Variants in PDXDC1 observed in about 807,000 individuals in gnomAD.
PDXDC1 encodes pyridoxal dependent decarboxylase domain containing 1.
PDXDC1 carries 42 observed loss-of-function variants against 100.1 expected under a neutral mutation model. That is an observed-to-expected ratio of 0.42 (90% CI 0.33 to 0.54). PDXDC1 has a LOEUF of 0.54. Among genes scored for constraint, PDXDC1 ranks in the 20% least tolerant of loss-of-function variants. The pLI is 0.10. For synonymous variants in PDXDC1, 260 were observed against 371.7 expected (o/e 0.70, Z 3.46); for missense variants, 636 against 979.2 (o/e 0.65, Z 4.68).
intron 16 of PDXDC1, among the ~76,000 whole-genome samples, chr16:15,083,353 G>A (rs1052111628): frequency 6.6e-6 from 1 of 151,998 alleles, no homozygotes; most frequent in African/African-American, 2.4e-5. Flanking sequence ...GAGCCAAGAT[G>A]ACGCCATTGC....
chr16:15,038,379 C>T (rs1294312013), downstream of PDXDC1: 18 of 619,054 alleles, frequency 2.9e-5, no homozygotes, highest in Non-Finnish European at 4.8e-5. Flanking sequence ...ACTGCTTTAC[C>T]CACACACATT....
In PDXDC1 at chr16:15,013,360, A is replaced by G. The variant is rs1284393164; in HGVS notation, c.728-2769A>G. Among the ~76,000 whole-genome samples the G allele has an allele frequency of 1.8e-3, 146 of 83,084 alleles. 1 individual carries two copies. Among genetic ancestry groups the G allele is most frequent in the Admixed American group, 6.0e-3 (34 of 5,622 alleles). The allele number at this position is 83,084 out of a possible 152,430, so 54.5% of individuals were successfully genotyped here. A position where few individuals can be genotyped will look rare whatever the true frequency, so the allele number is the denominator to read the frequency against. On this transcript the variant is annotated intron_variant, in intron 8 of 22. Coordinates refer to ENST00000396410, the MANE Select transcript of PDXDC1 (RefSeq NM_015027.4). ...TGAGACCCTATCTCAAAAAAAAAAG[A>G]AAAAAAAAAAAAAAGGCAAAAAACT...
chr16:15,141,080 T>TG (rs1694721152), downstream of PDXDC1, among the ~76,000 whole-genome samples: 1 of 138,018 alleles, frequency 7.2e-6, no homozygotes, highest in Non-Finnish European at 1.5e-5. Flanking sequence ...GCCCAGCCCC[T>TG]GCCAGTCCCT....
At chr16:15,092,334 GA>G (rs1041495203) in intron 16 of PDXDC1, among the ~76,000 whole-genome samples, 14 of 151,948 alleles carry the variant, frequency 9.2e-5, no homozygotes, top group African/African-American at 2.7e-4. Context: ...CAAGGTGGGG[GA>G]AAAAAAGGAC....
chr16:14,988,621 C>CA (rs2082058350), intron 1 of PDXDC1: 1 of 1,613,692 alleles, frequency 6.2e-7, no homozygotes, highest in Admixed American at 1.7e-5. Flanking sequence ...ACAGGCTGGC[C>CA]ACGGGACTCC....
chr16:15,053,736 A>G (rs2044386473), intron 16 of PDXDC1, among the ~76,000 whole-genome samples: 1 of 151,856 alleles, frequency 6.6e-6, no homozygotes, highest in South Asian at 2.1e-4. Flanking sequence ...CATGGTGAAA[A>G]CCCGTCTCTA....
At chr16:15,084,012 G>A (rs1277249386) in intron 16 of PDXDC1, among the ~76,000 whole-genome samples, 3 of 152,130 alleles carry the variant, frequency 2.0e-5, no homozygotes, top group African/African-American at 4.8e-5. Flanking sequence ...CACCGCGCCC[G>A]GCCAGAACTG....
chr16:14,984,495 A>ATATATATATATATTTT (rs1555542734), intron 1 of PDXDC1, among the ~76,000 whole-genome samples: 2 of 73,486 alleles, frequency 2.7e-5, no homozygotes, highest in East Asian at 6.6e-4. Context: ...ATATATATAT[A>ATATATATATATATTTT]TTTTTTTTTT....
At chr16:14,985,414 A>C (rs1200301350) in intron 1 of PDXDC1, among the ~76,000 whole-genome samples, 1 of 150,814 alleles carries the variant, frequency 6.6e-6, no homozygotes, top group Non-Finnish European at 1.5e-5. Context: ...CAGCCTCCCT[A>C]GTAGCTGGGA....
chr16:15,000,280 C>T lies in PDXDC1; in HGVS notation c.162-1496C>T, dbSNP rs1318716091. 6.6e-5 allele frequency among the ~76,000 whole-genome samples: 10 copies of T among 152,404 alleles called. No homozygotes were observed. In the East Asian group the frequency reaches 1.9e-3, roughly 29 times the overall value. ...GAGTGCTACCACCCAGCATTCAAGA[C>T]TAGTAACATGCCAGGCACAGCTAAG... On this transcript the variant is annotated intron_variant, in intron 3 of 22. Coordinates refer to ENST00000396410, the MANE Select transcript of PDXDC1 (RefSeq NM_015027.4).
intron 16 of PDXDC1, among the ~76,000 whole-genome samples, chr16:15,059,283 G>C (rs552123174): frequency 6.6e-6 from 1 of 152,068 alleles, no homozygotes; most frequent in Non-Finnish European, 1.5e-5. Flanking sequence ...AGCACTGCCC[G>C]GCAAGGGAAA....
At chr16:15,054,060 C>G (rs1053218047) in intron 16 of PDXDC1, among the ~76,000 whole-genome samples, 4 of 152,336 alleles carry the variant, frequency 2.6e-5, no homozygotes, top group African/African-American at 9.6e-5. Context: ...CCATGCTTCC[C>G]CTCCTCACCC....
intron 16 of PDXDC1, chr16:15,134,057 C>T (rs758067308): frequency 9.5e-6 from 15 of 1,572,586 alleles, no homozygotes; most frequent in Admixed American, 5.1e-5. Flanking sequence ...TGTTGCTGAA[C>T]GTACGTGCAG....
At chr16:15,045,303 G>A (rs2044010910) in intron 16 of PDXDC1, 1 of 151,026 alleles carries the variant, frequency 6.6e-6, no homozygotes, top group South Asian at 2.1e-4. Context: ...GTCTCAGGGG[G>A]AAAAAATAAA....
At chr16:14,996,181 C>G (rs1866241761) in intron 1 of PDXDC1, among the ~76,000 whole-genome samples, 2 of 152,390 alleles carry the variant, frequency 1.3e-5, no homozygotes, top group Admixed American at 1.3e-4. Flanking sequence ...TGGACTAGAT[C>G]CCTTAGGTCC....
chr16:15,003,856 C>T (rs554444496), intron 4 of PDXDC1, among the ~76,000 whole-genome samples: 30 of 152,340 alleles, frequency 2.0e-4, no homozygotes, highest in Non-Finnish European at 4.0e-4. Context: ...TGGTGGTGCG[C>T]GCCTGTAATT....
intron 16 of PDXDC1, among the ~76,000 whole-genome samples, chr16:15,129,689 C>G (rs2047947553): frequency 6.6e-6 from 1 of 152,148 alleles, no homozygotes; most frequent in African/African-American, 2.4e-5. Flanking sequence ...CTACTTCCAG[C>G]TAGGAGCTGT....
intron 16 of PDXDC1, among the ~76,000 whole-genome samples, chr16:15,047,009 G>A (rs1014094467): frequency 3.9e-5 from 6 of 152,040 alleles, no homozygotes; most frequent in African/African-American, 2.4e-5. Flanking sequence ...TCTCGGCTTC[G>A]GAATACAAAC....
chr16:15,050,990 G>C (rs1343607864), intron 16 of PDXDC1, among the ~76,000 whole-genome samples: 1 of 152,164 alleles, frequency 6.6e-6, no homozygotes, highest in Non-Finnish European at 1.5e-5. Context: ...CTAAAACTCA[G>C]AACACCTGTA....
Sources: gnomAD v4.1 joint callset for allele counts (sites outside exome capture counted in the v4.1 genomes callset) on GRCh38, gnomAD v4.1.1 for gene constraint, MANE v1.5 for transcripts, NCBI Gene and HGNC (gene_info 2026-07-23, HGNC 2026-07-21) for gene names.